Variants in KIAA0825 observed in about 807,000 individuals in gnomAD.
KIAA0825 encodes the protein uncharacterized protein KIAA0825.
KIAA0825 carries 119 observed loss-of-function variants against 147.6 expected under a neutral mutation model. That is an observed-to-expected ratio of 0.81 (90% CI 0.69 to 0.94). The LOEUF (loss-of-function observed/expected upper bound fraction) is 0.94, where lower values mean the gene tolerates loss of function less well. Ranked by LOEUF, KIAA0825 falls within the 40% of genes least tolerant of loss-of-function variation. The probability of loss-of-function intolerance (pLI) is 0.00; values close to 1 mark genes in which losing one functional copy is unlikely to be tolerated. For missense variants in KIAA0825, 1,381 were observed against 1,472.7 expected (o/e 0.94, Z 1.02); for synonymous variants, 470 against 518.1 (o/e 0.91, Z 1.26).
chr5:94,477,182 C>T lies in KIAA0825; in HGVS notation c.1156G>A (p.Glu386Lys), dbSNP rs1294133136. 6.5e-7 allele frequency: 1 copy of T among 1,549,756 alleles called. No homozygotes were observed. ...TSGILEKSDR[E>K]VVMEKPRANE... ...GCTCTAGGTTTTTCCATTACAACCT[C>T]TCTATCGGATTTCTCCAAAATTCCT... The change falls in exon 7 of 21, where the codon GAG (glutamate) becomes AAG (lysine). Residue 386 changes from glutamate (E) to lysine (K), a missense_variant. Coordinates refer to ENST00000682413, the MANE Select transcript of KIAA0825 (RefSeq NM_001145678.3).
intron 20 of KIAA0825, among the ~76,000 whole-genome samples, chr5:94,165,687 C>A (rs1410925058): frequency 6.6e-6 from 1 of 152,060 alleles, no homozygotes; most frequent in African/African-American, 2.4e-5. Context: ...AGAATGAGAT[C>A]CTGTCATTTG....
intron 17 of KIAA0825, among the ~76,000 whole-genome samples, 161 bp downstream of exon 17, chr5:94,395,940 A>G (rs750274739): frequency 1.3e-5 from 2 of 152,194 alleles, no homozygotes; most frequent in Non-Finnish European, 2.9e-5. Flanking sequence ...CAACAATCCA[A>G]TTTTTAATGG....
intron 3 of KIAA0825, among the ~76,000 whole-genome samples, chr5:94,527,418 T>C (rs1761757668): frequency 6.6e-6 from 1 of 152,008 alleles, no homozygotes; most frequent in African/African-American, 2.4e-5. Flanking sequence ...AGGAAAAAAG[T>C]ATGTTCCATT....
In KIAA0825 at chr5:94,154,004, A is replaced by G; in HGVS notation, c.*3T>C. The G allele has an allele frequency of 1.3e-6, 2 of 1,542,018 alleles. No homozygotes were observed. The highest frequency in any genetic ancestry group is 1.8e-6 in the Non-Finnish European group (2 of 1,138,190). On this transcript the variant is annotated 3_prime_UTR_variant, in exon 21 of 21. Transcript: ENST00000682413. ...AAATAAAGCTGTTGCTGTTTTCTGC[A>G]GATTACTGTTCCTCTATGTTATCTG...
Position 94,520,476 on chromosome 5 carries a change from T to C in KIAA0825, c.742A>G (p.Met248Val). 6.2e-7 allele frequency: 1 copy of C among 1,613,110 alleles called. No homozygotes were observed. Among genetic ancestry groups the C allele is most frequent in the Non-Finnish European group, 8.5e-7 (1 of 1,179,230 alleles). The change falls in exon 5 of 21, where the codon ATG becomes GTG. Residue 248 changes from methionine (M) to valine (V), a missense_variant. Coordinates refer to ENST00000682413, the MANE Select transcript of KIAA0825 (RefSeq NM_001145678.3). ...TTTATTACTGAGTATAACTTAAGCA[T>C]TGTACTTTGATATCCATGAGCTATT... ...DVIAHGYQST[M>V]LKLYSVIKED...
At chr5:94,612,388 G>A (rs889639923) in intron 1 of KIAA0825, among the ~76,000 whole-genome samples, 3 of 152,144 alleles carry the variant, frequency 2.0e-5, no homozygotes, top group Non-Finnish European at 2.9e-5. Context: ...CTCTGCACTG[G>A]CCTAATTGAA....
chr5:94,332,160 CAAAAAA>C (rs34035583), intron 20 of KIAA0825, among the ~76,000 whole-genome samples: 1 of 93,918 alleles, frequency 1.1e-5, no homozygotes. Context: ...GACTCCATCT[CAAAAAA>C]AAAAAAAAAA....
chr5:94,568,041 T>G (rs770535220), intron 2 of KIAA0825: 59 of 164,474 alleles, frequency 3.6e-4, no homozygotes, highest in Admixed American at 1.1e-3. Context: ...ATCGTAGCCT[T>G]CTCTACTTCA....
intron 2 of KIAA0825, among the ~76,000 whole-genome samples, chr5:94,564,227 T>G (rs1212520416): frequency 6.7e-6 from 1 of 149,920 alleles, no homozygotes; most frequent in Non-Finnish European, 1.5e-5. Flanking sequence ...TTTTTTTTTT[T>G]TTTTTTGCAG....
At chr5:94,310,463 A>G (rs546560715) in intron 20 of KIAA0825, among the ~76,000 whole-genome samples, 2 of 151,864 alleles carry the variant, frequency 1.3e-5, no homozygotes, top group Admixed American at 6.6e-5. Context: ...TTATGTTCAT[A>G]TATGACTTAC....
intron 5 of KIAA0825, among the ~76,000 whole-genome samples, chr5:94,488,694 C>A (rs1341269172): frequency 2.0e-5 from 3 of 152,170 alleles, no homozygotes; most frequent in Admixed American, 1.3e-4. Context: ...ATGCCACACT[C>A]AGGGACTAAT....
intron 20 of KIAA0825, among the ~76,000 whole-genome samples, chr5:94,188,248 C>G (rs926447556): frequency 1.3e-5 from 2 of 152,080 alleles, no homozygotes; most frequent in African/African-American, 2.4e-5. Flanking sequence ...AGACAGTACA[C>G]CAGAAAATAA....
At position 94,364,938 on chromosome 5, in the gene KIAA0825, G is replaced by A. The variant is rs56913826; in HGVS notation, c.3710+19430C>T. On this transcript the variant is annotated intron_variant, in intron 20 of 20. Coordinates refer to ENST00000682413, the MANE Select transcript of KIAA0825 (RefSeq NM_001145678.3). ...TGTGCCAATAGGAAAGGGGCTACCT[G>A]GGGACTAGGCGTGTTCAAAATGGCT... Among the ~76,000 whole-genome samples, 1,064 of 152,164 alleles carry A rather than the reference G, an allele frequency of 7.0e-3. 14 individuals are homozygous for A. The highest frequency in any genetic ancestry group is 0.024 in the African/African-American group (1,013 of 41,522).
intron 20 of KIAA0825, among the ~76,000 whole-genome samples, chr5:94,261,540 T>G (rs1477438346): frequency 6.6e-6 from 1 of 152,044 alleles, no homozygotes; most frequent in African/African-American, 2.4e-5. Flanking sequence ...GATTGAGAGA[T>G]AAGAAAACAA....
At chr5:94,326,079 T>A (rs1780658583) in intron 20 of KIAA0825, among the ~76,000 whole-genome samples, 1 of 152,122 alleles carries the variant, frequency 6.6e-6, no homozygotes, top group Non-Finnish European at 1.5e-5. Context: ...TTAAAGATAT[T>A]ATGTGTTGCT....
chr5:94,383,714 C>T (rs1748740286), intron 20 of KIAA0825, among the ~76,000 whole-genome samples: 1 of 151,596 alleles, frequency 6.6e-6, no homozygotes, highest in Non-Finnish European at 1.5e-5. Flanking sequence ...AATGTTCATA[C>T]TTTTGTGCAA....
At chr5:94,478,867 A>T (rs1032303474) in intron 6 of KIAA0825, among the ~76,000 whole-genome samples, 3 of 152,174 alleles carry the variant, frequency 2.0e-5, no homozygotes, top group African/African-American at 7.2e-5. Flanking sequence ...AAATACCATC[A>T]ACTGTCAAAG....
intron 1 of KIAA0825, chr5:94,594,475 C>A: frequency 2.7e-6 from 2 of 744,432 alleles, no homozygotes; most frequent in Non-Finnish European, 5.0e-6. Flanking sequence ...AGAAAAAAAT[C>A]TCTTCTTTAT....
chr5:94,444,107 C>G (rs1220440946), intron 13 of KIAA0825, among the ~76,000 whole-genome samples: 1 of 152,130 alleles, frequency 6.6e-6, no homozygotes, highest in Non-Finnish European at 1.5e-5. Flanking sequence ...AAAGTAGGAG[C>G]AGCCCCTCCC....
Sources: gnomAD v4.1 joint callset for allele counts (sites outside exome capture counted in the v4.1 genomes callset) on GRCh38, gnomAD v4.1.1 for gene constraint, MANE v1.5 for transcripts, NCBI Gene and HGNC (gene_info 2026-07-23, HGNC 2026-07-21) for gene names.